The following CCDC69 variants were observed in gnomAD, a reference collection of about 807,000 sequenced individuals.
CCDC69 encodes coiled-coil domain-containing protein 69.
A neutral mutation model predicts 40.3 loss-of-function variants in CCDC69; 38 were observed. That is an observed-to-expected ratio of 0.94 (90% confidence interval 0.73 to 1.24). The LOEUF (loss-of-function observed/expected upper bound fraction) is 1.24, where lower values mean the gene tolerates loss of function less well. Ranked by LOEUF, CCDC69 falls within the 50% of genes most tolerant of loss-of-function variation. The pLI, the probability that CCDC69 is intolerant of heterozygous loss-of-function variation, is 0.00. For missense variants in CCDC69, 389 were observed against 357.9 expected (o/e 1.09, Z -0.70); for synonymous variants, 141 against 138.9 (o/e 1.02, Z -0.11).
At chr5:151,193,316 G>C (rs1348954733) in intron 4 of CCDC69, among the ~76,000 whole-genome samples, 1 of 146,618 alleles carries the variant, frequency 6.8e-6, no homozygotes, top group East Asian at 2.0e-4. Flanking sequence ...GACCAGGCTG[G>C]GCAACATGGC....
intron 1 of CCDC69, among the ~76,000 whole-genome samples, chr5:151,222,303 G>A (rs1412811066): frequency 6.6e-6 from 1 of 152,236 alleles, no homozygotes; most frequent in Non-Finnish European, 1.5e-5. Context: ...CTTTGGCTGT[G>A]CCAGGGACAG....
At chr5:151,211,904 G>C (rs1271887348) in intron 1 of CCDC69, among the ~76,000 whole-genome samples, 1 of 151,924 alleles carries the variant, frequency 6.6e-6, no homozygotes, top group African/African-American at 2.4e-5. Flanking sequence ...GAGCTAGGTA[G>C]GTCTCAACAA....
rs556362742 is a variant in CCDC69, at chr5:151,199,505, G to A, written c.232-421C>T. Among the ~76,000 whole-genome samples the A allele has an allele frequency of 4.6e-5, 7 of 152,170 alleles. No individual in the cohort carries two copies. The East Asian group carries it at 1.2e-3, about 25-fold the overall frequency. ...AACCCAGGCAGCCCCTCAGAGATCT[G>A]AGCATAGTGGCCCATATTCCCAACA... On this transcript the variant is annotated intron_variant, in intron 3 of 8. Coordinates refer to ENST00000355417, the MANE Select transcript of CCDC69 (RefSeq NM_015621.3).
intron 3 of CCDC69, 62 bp from the exon 4 acceptor site, chr5:151,199,146 C>G: frequency 7.3e-7 from 1 of 1,367,552 alleles, no homozygotes; most frequent in South Asian, 1.2e-5. Flanking sequence ...CATCTCTTAT[C>G]CCCTCACCTG....
intron 4 of CCDC69, among the ~76,000 whole-genome samples, chr5:151,198,389 A>G (rs1463597928): frequency 6.6e-6 from 1 of 151,824 alleles, no homozygotes; most frequent in Non-Finnish European, 1.5e-5. Flanking sequence ...CTATCTATTT[A>G]TTTTTAATAG....
At chr5:151,189,659 G>T (rs927911573) in intron 4 of CCDC69, among the ~76,000 whole-genome samples, 7 of 151,822 alleles carry the variant, frequency 4.6e-5, no homozygotes, top group African/African-American at 1.5e-4. Flanking sequence ...GAACTCCAAA[G>T]TAAGCCCAAA....
chr5:151,195,269 C>T (rs78920739), intron 4 of CCDC69, among the ~76,000 whole-genome samples: 17,235 of 152,136 alleles, frequency 0.11, 1,067 homozygotes, highest in Middle Eastern at 0.19. Context: ...ATATTTGTAA[C>T]GCTAAAAATA....
chr5:151,213,014 C>A, intron 1 of CCDC69: 1 of 397,158 alleles, frequency 2.5e-6, no homozygotes, highest in South Asian at 1.8e-5. Flanking sequence ...TCTTTTAGAA[C>A]CCTGAACTCT....
intron 4 of CCDC69, among the ~76,000 whole-genome samples, chr5:151,190,893 A>T (rs905276158): frequency 6.6e-6 from 1 of 152,096 alleles, no homozygotes; most frequent in African/African-American, 2.4e-5. Context: ...GTAGACTTCA[A>T]CCCAACATTA....
chr5:151,221,197 C>A (rs983334022), intron 1 of CCDC69, among the ~76,000 whole-genome samples: 4 of 152,190 alleles, frequency 2.6e-5, no homozygotes, highest in African/African-American at 9.7e-5. Flanking sequence ...ACCCCCAGAT[C>A]CTTGAACCTG....
At chr5:151,185,292 G>T in intron 7 of CCDC69, 130 bp downstream of exon 7, 2 of 968,918 alleles carry the variant, frequency 2.1e-6, no homozygotes, top group Non-Finnish European at 3.1e-6. Context: ...CAGCACAGGT[G>T]GCAGGTCAAA....
intron 4 of CCDC69, among the ~76,000 whole-genome samples, chr5:151,198,291 G>GATCTACCTATCT (rs1554089407): frequency 7.1e-6 from 1 of 141,718 alleles, no homozygotes; most frequent in African/African-American, 2.6e-5. Flanking sequence ...GAATGAGATT[G>GATCTACCTATCT]ATCTATCTAT....
Position 151,187,444 on chromosome 5 carries a change from T to C in CCDC69, c.335A>G (p.Tyr112Cys), listed in dbSNP as rs777392184. The C allele has an allele frequency of 3.1e-6, 5 of 1,614,004 alleles. No homozygotes were observed. Among genetic ancestry groups the C allele is most frequent in the African/African-American group, 1.3e-5 (1 of 74,994 alleles). The change falls in exon 5 of 9, where the codon TAT becomes TGT. Residue 112 changes from tyrosine (Y) to cysteine (C), a missense_variant. Tyr to Cys is a radical substitution (Grantham distance 194, BLOSUM62 -2). Transcript: ENST00000355417. ...EEALQVLRAS[Y>C]EQEKEALTHS... ...GGTAAGCGCTTCTTTCTCCTGTTCA[T>C]ATGAGGCCCGGAGGACTGTAGGGAA...
At chr5:151,212,796 T>C (rs1395619372) in intron 1 of CCDC69, 2 of 456,006 alleles carry the variant, frequency 4.4e-6, no homozygotes, top group Non-Finnish European at 4.4e-6. Flanking sequence ...GCGTGTCATC[T>C]ACAGCCTTGG....
intron 2 of CCDC69, among the ~76,000 whole-genome samples, chr5:151,203,487 C>T (rs1752804674): frequency 6.8e-6 from 1 of 147,496 alleles, no homozygotes; most frequent in Admixed American, 6.9e-5. Context: ...TCCAGCCTGG[C>T]AACAAGAGTG....
At chr5:151,219,322 C>T (rs1051869747) in intron 1 of CCDC69, among the ~76,000 whole-genome samples, 3 of 152,140 alleles carry the variant, frequency 2.0e-5, no homozygotes, top group Non-Finnish European at 4.4e-5. Context: ...GCCTAACCCC[C>T]GCCCCCCTTC....
intron 1 of CCDC69, among the ~76,000 whole-genome samples, chr5:151,221,473 A>G (rs1273096563): frequency 6.6e-6 from 1 of 152,114 alleles, no homozygotes; most frequent in Non-Finnish European, 1.5e-5. Flanking sequence ...CCCTGGGCCA[A>G]CCCCTAGCAT....
chr5:151,199,043 A>G lies in CCDC69; in HGVS notation c.273T>C (p.Asp91=). 6.2e-7 allele frequency: 1 copy of G among 1,614,116 alleles called. No homozygotes were observed. The highest frequency in any genetic ancestry group is 8.5e-7 in the Non-Finnish European group (1 of 1,179,992). Residue 91 remains aspartate, a synonymous_variant, in exon 4 of 9, where the codon GAT becomes GAC. Transcript: ENST00000355417. ...TTCCTTCCAGGACCCTTTGCTGCTC[A>G]TCCAGTCTGTCTCGAAGCTCTAGCT... The part of the protein sequence containing the change: ...ERELELRDRL[D]EQQRVLEGKN...
chr5:151,198,793 G>T (rs1752737132), intron 4 of CCDC69: 1 of 472,138 alleles, frequency 2.1e-6, no homozygotes, highest in Non-Finnish European at 3.8e-6. Context: ...GAAAAAGAAA[G>T]GTTGATGCCA....
Sources: allele counts gnomAD v4.1 joint callset (sites outside exome capture counted in the v4.1 genomes callset), GRCh38; gene constraint gnomAD v4.1.1; transcripts MANE v1.5; gene names NCBI Gene and HGNC (gene_info 2026-07-23, HGNC 2026-07-21).